PPM1K: variants seen among roughly 807,000 people sequenced by gnomAD.
PPM1K encodes protein phosphatase Mn(2+)-dependent 1K.
Under a neutral mutation model 32.6 loss-of-function variants are expected in PPM1K, and 19 were observed. The ratio of observed to expected loss-of-function variants is 0.58; its 90% CI spans 0.41 to 0.86. The LOEUF (loss-of-function observed/expected upper bound fraction) is 0.86, where lower values mean the gene tolerates loss of function less well. Among genes scored for constraint, PPM1K ranks in the 40% least tolerant of loss-of-function variants. The probability of loss-of-function intolerance (pLI) is 0.00; values close to 1 mark genes in which losing one functional copy is unlikely to be tolerated. For missense variants in PPM1K, 362 were observed against 461.2 expected (o/e 0.78, Z 1.97); for synonymous variants, 159 against 165.3 (o/e 0.96, Z 0.29).
intron 1 of PPM1K, among the ~76,000 whole-genome samples, chr4:88,282,446 C>T (rs1732051255): frequency 2.0e-5 from 3 of 152,176 alleles, no homozygotes. Flanking sequence ...TCTACAACTT[C>T]CACAATGAGA....
At chr4:88,270,446 T>G (rs546303731) in intron 3 of PPM1K, among the ~76,000 whole-genome samples, 1 of 152,226 alleles carries the variant, frequency 6.6e-6, no homozygotes, top group Non-Finnish European at 1.5e-5. Context: ...ACATAAATGT[T>G]TTAGCATAAG....
At chr4:88,282,229 G>A (rs1732043677) in intron 1 of PPM1K, among the ~76,000 whole-genome samples, 1 of 152,270 alleles carries the variant, frequency 6.6e-6, no homozygotes, top group Admixed American at 6.5e-5. Flanking sequence ...TCATCCAAAA[G>A]GAAAGCACTT....
chr4:88,279,415 A>T (rs1731921121), intron 1 of PPM1K: 1 of 152,122 alleles, frequency 6.6e-6, no homozygotes, highest in Admixed American at 6.6e-5. Flanking sequence ...ATCCTAGCAG[A>T]CTCTCTCACT....
intron 1 of PPM1K, among the ~76,000 whole-genome samples, chr4:88,283,075 C>T (rs1732080596): frequency 1.3e-5 from 2 of 152,214 alleles, no homozygotes; most frequent in African/African-American, 4.8e-5. Flanking sequence ...GCTCTTCTTC[C>T]TGCCACAGCT....
At chr4:88,269,025 A>T in intron 3 of PPM1K, 119 bp from the exon 4 acceptor site, 2 of 828,830 alleles carry the variant, frequency 2.4e-6, no homozygotes, top group Admixed American at 5.8e-5. Context: ...TATCATTCTA[A>T]TTTAACTAGA....
intron 2 of PPM1K, 158 bp downstream of exon 2, chr4:88,277,982 ATAAG>A: frequency 7.8e-6 from 5 of 639,776 alleles, no homozygotes; most frequent in Non-Finnish European, 1.3e-5. Flanking sequence ...TGTGATAACC[ATAAG>A]TAATAAATGG....
chr4:88,275,824 A>G (rs563449295), intron 3 of PPM1K: 53 of 985,316 alleles, frequency 5.4e-5, no homozygotes, highest in Non-Finnish European at 6.3e-5. Context: ...TGTTTTAACT[A>G]TTTGGAACAA....
intron 6 of PPM1K, among the ~76,000 whole-genome samples, chr4:88,263,879 T>G (rs979246316): frequency 2.0e-5 from 3 of 152,188 alleles, no homozygotes; most frequent in Non-Finnish European, 2.9e-5. Flanking sequence ...GAAACAGATA[T>G]GCACAAATAG....
rs1731121704 is a variant in PPM1K, at chr4:88,261,703, T to A, written c.*892A>T. 6.6e-6 allele frequency: 1 copy of A among 150,450 alleles called. No homozygotes were observed. The allele number at this position is 150,450 out of a possible 1,614,324, so 9.3% of individuals were successfully genotyped here. A position where few individuals can be genotyped will look rare whatever the true frequency, so the allele number is the denominator to read the frequency against. ...TTAATTTCTTTTCTTTCTTTTTTTT[T>A]TTTTTTTTGAGATGGAGTTTTTCGC... On this transcript the variant is annotated 3_prime_UTR_variant, in exon 7 of 7. Coordinates refer to ENST00000608933, the MANE Select transcript of PPM1K (RefSeq NM_152542.5).
At chr4:88,263,043 T>C (rs2110152965) in intron 6 of PPM1K, among the ~76,000 whole-genome samples, 1 of 152,292 alleles carries the variant, frequency 6.6e-6, no homozygotes, top group Non-Finnish European at 1.5e-5. Context: ...AAAATGAAGA[T>C]ACCTGTAAAG....
chr4:88,279,135 C>T (rs1731910445), intron 1 of PPM1K: 1 of 152,534 alleles, frequency 6.6e-6, no homozygotes, highest in Non-Finnish European at 1.5e-5. Flanking sequence ...CCTTCATTAA[C>T]TCTATTGCTT....
At chr4:88,282,551 A>G (rs1218107227) in intron 1 of PPM1K, among the ~76,000 whole-genome samples, 2 of 152,216 alleles carry the variant, frequency 1.3e-5, no homozygotes, top group Non-Finnish European at 2.9e-5. Flanking sequence ...AATAGTATGG[A>G]AATTTCCAGA....
At chr4:88,273,401 C>T (rs186479205) in intron 3 of PPM1K, among the ~76,000 whole-genome samples, 1 of 152,360 alleles carries the variant, frequency 6.6e-6, no homozygotes. Flanking sequence ...ACTACCTGGG[C>T]TGGGCACAAT....
Position 88,268,205 on chromosome 4 carries a change from T to C in PPM1K, c.837A>G (p.Glu279=). ...LKTSGVIAEP[E]TKRIKLHHAD... is the part of the protein sequence containing the mutation. Reference sequence around the variant, plus strand: ...CCTTTCTTACCTTAATCCTCTTAGTTTCAGGTTCTGCTATGACACCACTGG... The same window carrying C: ...CCTTTCTTACCTTAATCCTCTTAGTCTCAGGTTCTGCTATGACACCACTGG... The change falls in exon 5 of 7, where the codon GAA becomes GAG. Residue 279 remains glutamate, a synonymous_variant. Transcript: ENST00000608933. 1 of 1,614,110 alleles carries C rather than the reference T, an allele frequency of 6.2e-7. No individual in the cohort carries two copies. The highest frequency in any genetic ancestry group is 8.5e-7 in the Non-Finnish European group (1 of 1,180,014).
intron 2 of PPM1K, chr4:88,277,767 G>T (rs1365239178): frequency 3.1e-5 from 7 of 223,278 alleles, no homozygotes; most frequent in Non-Finnish European, 6.2e-5. Context: ...AACAAGTCAG[G>T]TATTCAAAGC....
intron 3 of PPM1K, among the ~76,000 whole-genome samples, chr4:88,271,599 G>C (rs1383054273): frequency 6.6e-6 from 1 of 152,172 alleles, no homozygotes; most frequent in Non-Finnish European, 1.5e-5. Flanking sequence ...CTTAAACACA[G>C]TAAATCACTA....
chr4:88,281,835 C>T (rs1386160633), intron 1 of PPM1K, among the ~76,000 whole-genome samples: 3 of 152,158 alleles, frequency 2.0e-5, no homozygotes, highest in African/African-American at 7.2e-5. Context: ...AGAAAAGTTT[C>T]CTCCTCCAGA....
intron 5 of PPM1K, among the ~76,000 whole-genome samples, 187 bp downstream of exon 5, chr4:88,268,003 C>T (rs1731403403): frequency 6.6e-6 from 1 of 152,146 alleles, no homozygotes; most frequent in Non-Finnish European, 1.5e-5. Flanking sequence ...TTGTTTTGTC[C>T]TCTACAATAA....
rs1045291204 is a variant in PPM1K, at chr4:88,260,810, A to C, written c.*1785T>G. ...CACAGTTGAAGGTATATACTACATCAACTTTTTCTTTTGTTTCTGCCACAG... is the reference window on the plus strand; with the variant it reads ...CACAGTTGAAGGTATATACTACATCCACTTTTTCTTTTGTTTCTGCCACAG... On this transcript the variant is annotated 3_prime_UTR_variant, in exon 7 of 7. Coordinates refer to ENST00000608933, the MANE Select transcript of PPM1K (RefSeq NM_152542.5). 2.6e-5 allele frequency: 4 copies of C among 152,058 alleles called. No homozygotes were observed. The highest frequency in any genetic ancestry group is 9.7e-5 in the African/African-American group (4 of 41,418). 9.4% of individuals were successfully genotyped at this position (152,058 alleles called of 1,614,324 possible).
Sources: allele counts gnomAD v4.1 joint callset (sites outside exome capture counted in the v4.1 genomes callset), GRCh38; gene constraint gnomAD v4.1.1; transcripts MANE v1.5; gene names NCBI Gene and HGNC (gene_info 2026-07-23, HGNC 2026-07-21).